Variants in FBXW7 observed in about 807,000 individuals in gnomAD.
The protein encoded by FBXW7 is F-box/WD repeat-containing protein 7.
In FBXW7, 11 loss-of-function variants were observed where a neutral mutation model predicts 86.3. That is an observed-to-expected ratio of 0.13 (90% CI 0.08 to 0.21). The LOEUF (loss-of-function observed/expected upper bound fraction) is 0.21. Among genes scored for constraint, FBXW7 ranks in the 10% least tolerant of loss-of-function variants. FBXW7 has a pLI of 1.00. For missense variants in FBXW7, 488 were observed against 847.4 expected, an observed-to-expected ratio of 0.58 and a Z score of 5.27; for synonymous variants, 313 against 297.9, an observed-to-expected ratio of 1.05 and a Z score of -0.52.
chr4:152,426,660 C>T (rs914666361), intron 2 of FBXW7, among the ~76,000 whole-genome samples: 17 of 152,264 alleles, frequency 1.1e-4, no homozygotes, highest in Admixed American at 9.8e-4. Context: ...CCCAAATAAC[C>T]GGCCGCCCAG....
intron 4 of FBXW7, among the ~76,000 whole-genome samples, chr4:152,361,223 T>C (rs1297344060): frequency 6.6e-6 from 1 of 152,184 alleles, no homozygotes; most frequent in African/African-American, 2.4e-5. Flanking sequence ...ATTCAAGTGT[T>C]TGACATAGCT....
chr4:152,332,109 CAAAA>C (rs201224250), intron 8 of FBXW7, among the ~76,000 whole-genome samples: 3 of 150,860 alleles, frequency 2.0e-5, no homozygotes, highest in African/African-American at 7.3e-5. Flanking sequence ...AAAACAAAAA[CAAAA>C]AAAACAGTTC....
chr4:152,440,899 A>G (rs1163973594), intron 2 of FBXW7, among the ~76,000 whole-genome samples: 1 of 150,638 alleles, frequency 6.6e-6, no homozygotes, highest in Non-Finnish European at 1.5e-5. Context: ...ATTCTGAAAC[A>G]CTGTTTCTCT....
intron 2 of FBXW7, among the ~76,000 whole-genome samples, chr4:152,523,906 T>C (rs1749256329): frequency 6.6e-6 from 1 of 152,222 alleles, no homozygotes; most frequent in Non-Finnish European, 1.5e-5. Flanking sequence ...ATTCCTGGCA[T>C]AGTAGGTGTT....
intron 2 of FBXW7, among the ~76,000 whole-genome samples, chr4:152,466,804 C>T (rs957670317): frequency 2.6e-4 from 39 of 150,502 alleles, no homozygotes; most frequent in South Asian, 4.2e-4. Context: ...TAGCCAGGCG[C>T]GGTGGCGGGC....
At chr4:152,456,855 C>T (rs538379978) in intron 2 of FBXW7, among the ~76,000 whole-genome samples, 1 of 152,272 alleles carries the variant, frequency 6.6e-6, no homozygotes, top group Non-Finnish European at 1.5e-5. Flanking sequence ...ATGAATCAGC[C>T]ATTCCACTCA....
intron 2 of FBXW7, among the ~76,000 whole-genome samples, chr4:152,424,179 A>C (rs1739177984): frequency 6.6e-6 from 1 of 151,980 alleles, no homozygotes; most frequent in South Asian, 2.1e-4. Context: ...GAAGCTGCTT[A>C]TTTTAAAATG....
intron 4 of FBXW7, among the ~76,000 whole-genome samples, chr4:152,379,637 GC>G (rs1434984326): frequency 6.6e-6 from 1 of 151,922 alleles, no homozygotes; most frequent in Non-Finnish European, 1.5e-5. Flanking sequence ...TCCTACCTTG[GC>G]CCCCAAAGTG....
intron 2 of FBXW7, among the ~76,000 whole-genome samples, chr4:152,474,725 G>GTA (rs2149658806): frequency 6.6e-6 from 1 of 152,242 alleles, no homozygotes; most frequent in African/African-American, 2.4e-5. Context: ...GAGTGCAATA[G>GTA]TATAATCTTG....
At chr4:152,503,261 G>C (rs1747115451) in intron 2 of FBXW7, among the ~76,000 whole-genome samples, 2 of 152,088 alleles carry the variant, frequency 1.3e-5, no homozygotes, top group East Asian at 3.9e-4. Context: ...TGTGATATAA[G>C]AGACACTACC....
intron 4 of FBXW7, among the ~76,000 whole-genome samples, chr4:152,386,147 A>G (rs1735508809): frequency 6.6e-6 from 1 of 152,068 alleles, no homozygotes; most frequent in Admixed American, 6.6e-5. Flanking sequence ...CTACTCTTAA[A>G]AACATTAAAG....
chr4:152,516,216 G>T (rs912216953), intron 2 of FBXW7, among the ~76,000 whole-genome samples: 1 of 152,190 alleles, frequency 6.6e-6, no homozygotes, highest in African/African-American at 2.4e-5. Flanking sequence ...GTAGAGCAGG[G>T]GTCCACAACT....
chr4:152,430,621 C>G (rs974144105), intron 2 of FBXW7, among the ~76,000 whole-genome samples: 1 of 151,654 alleles, frequency 6.6e-6, no homozygotes, highest in East Asian at 1.9e-4. Context: ...TTGTAGATAT[C>G]TGTAGTTTTT....
intron 2 of FBXW7, among the ~76,000 whole-genome samples, chr4:152,515,751 CTCT>C (rs1211806689): frequency 5.4e-5 from 8 of 147,940 alleles, no homozygotes; most frequent in South Asian, 4.2e-4. Flanking sequence ...AACCACAACT[CTCT>C]TTTTTTTTTT....
chr4:152,344,561 C>T (rs767380286), intron 6 of FBXW7, among the ~76,000 whole-genome samples: 14 of 150,800 alleles, frequency 9.3e-5, no homozygotes, highest in Non-Finnish European at 1.2e-4. Context: ...TTAACATTTC[C>T]GAAATTGGAA....
At position 152,411,546 on chromosome 4, in the gene FBXW7, C is replaced by T. The variant is rs367978172; in HGVS notation, c.258G>A (p.Ser86=). 1.7e-5 allele frequency: 27 copies of T among 1,613,704 alleles called. No individual in the cohort carries two copies. Among genetic ancestry groups the T allele is most frequent in the African/African-American group, 1.5e-4 (11 of 74,852 alleles). ...QLEENNNRFI[S]VDEDSSGNQE... is the part of the protein sequence containing the mutation. Reference sequence around the variant, plus strand: ...GGTTTCCTGAGGAGTCCTCATCTACCGAAATAAATCTATTATTGTTTTCTT... The same window carrying T: ...GGTTTCCTGAGGAGTCCTCATCTACTGAAATAAATCTATTATTGTTTTCTT... The change falls in exon 4 of 14, where the codon TCG becomes TCA. Residue 86 remains serine (S), a synonymous_variant. Transcript: ENST00000281708.
In FBXW7 at chr4:152,411,780, C is replaced by A. The variant is rs1737991870; in HGVS notation, c.24G>T (p.Val8=). Residue 8 remains valine (V), a synonymous_variant, in exon 4 of 14, where the codon GTG becomes GTT. Transcript: ENST00000281708. MNQELLS[V]GSKRRRTGGS... is the part of the protein sequence containing the mutation. ...CTCCAGTTCGTCGTCTTTTGCTGCC[C>A]ACAGAGAGCAGTTCCTGATTCATTT... 1.2e-6 allele frequency: 2 copies of A among 1,612,160 alleles called. No homozygotes were observed. The highest frequency in any genetic ancestry group is 1.7e-6 in the Non-Finnish European group (2 of 1,179,036).
At chr4:152,396,394 T>C (rs1224909661) in intron 4 of FBXW7, among the ~76,000 whole-genome samples, 3 of 152,016 alleles carry the variant, frequency 2.0e-5, no homozygotes, top group Non-Finnish European at 4.4e-5. Context: ...AACCCCTCCC[T>C]ACAAGAGCTA....
At chr4:152,393,496 G>A (rs1013721708) in intron 4 of FBXW7, among the ~76,000 whole-genome samples, 5 of 152,022 alleles carry the variant, frequency 3.3e-5, no homozygotes, top group African/African-American at 7.2e-5. Context: ...ACTGAAACAC[G>A]TGATAAACAC....
Sources: allele counts gnomAD v4.1 joint callset (sites outside exome capture counted in the v4.1 genomes callset), GRCh38; gene constraint gnomAD v4.1.1; transcripts MANE v1.5; gene names NCBI Gene and HGNC (gene_info 2026-07-23, HGNC 2026-07-21).